STK24: variants seen among roughly 807,000 people sequenced by gnomAD.
STK24 encodes the protein serine/threonine kinase 24, also known as serine/threonine-protein kinase 24.
A neutral mutation model predicts 55.6 loss-of-function variants in STK24; 21 were observed. The observed-to-expected ratio is 0.38, with a 90% CI of 0.27 to 0.54. The LOEUF is 0.54. STK24 is among the 20% of genes least tolerant of loss of function. STK24 has a pLI of 0.79. For missense variants in STK24, 383 were observed against 538.4 expected, an observed-to-expected ratio of 0.71 and a Z score of 2.86; for synonymous variants, 200 against 215.2, an observed-to-expected ratio of 0.93 and a Z score of 0.62.
chr13:98,465,381 G>A (rs775938809), intron 6 of STK24, among the ~76,000 whole-genome samples: 3 of 152,230 alleles, frequency 2.0e-5, no homozygotes, highest in Non-Finnish European at 4.4e-5. Flanking sequence ...GTGTGCTGGG[G>A]CATAAGCCCA....
At chr13:98,557,747 A>G (rs542056195) in intron 1 of STK24, among the ~76,000 whole-genome samples, 5 of 152,202 alleles carry the variant, frequency 3.3e-5, no homozygotes, top group Admixed American at 6.5e-5. Context: ...GTCTGGGAGC[A>G]CTTATTTTAG....
chr13:98,508,096 T>C (rs1475893224), intron 2 of STK24, among the ~76,000 whole-genome samples: 3 of 152,206 alleles, frequency 2.0e-5, no homozygotes, highest in African/African-American at 7.2e-5. Context: ...CCCAGAATTC[T>C]TCCTGCTCCC....
intron 2 of STK24, among the ~76,000 whole-genome samples, chr13:98,505,861 T>A (rs1895662636): frequency 6.6e-6 from 1 of 152,236 alleles, no homozygotes; most frequent in African/African-American, 2.4e-5. Context: ...AGATACTTGA[T>A]CCTTGTCACT....
chr13:98,496,457 G>A (rs905453592), intron 2 of STK24, among the ~76,000 whole-genome samples: 1 of 152,122 alleles, frequency 6.6e-6, no homozygotes, highest in Non-Finnish European at 1.5e-5. Flanking sequence ...AGCGTCACTG[G>A]GCCCCGGTGG....
At chr13:98,537,835 G>A (rs144409697) in intron 1 of STK24, among the ~76,000 whole-genome samples, 263 of 152,168 alleles carry the variant, frequency 1.7e-3, no homozygotes, top group African/African-American at 5.6e-3. Context: ...TCACTTAAAC[G>A]CCCTGTGCCT....
In STK24 at chr13:98,446,985, T is replaced by TGGCAGAAAGTGGGGTCCCAACTTCC; in HGVS notation, c.*6163_*6187dup. ...ACACCAGCAGGCGATTCTGTTCTCA[T>TGGCAGAAAGTGGGGTCCCAACTTCC]GGCAGAAAGTGGGGTCCCAACTTCC... On this transcript the variant is annotated 3_prime_UTR_variant, in exon 11 of 11. Coordinates refer to ENST00000539966, the MANE Select transcript of STK24 (RefSeq NM_001032296.4). 1.5e-6 allele frequency: 1 copy of TGGCAGAAAGTGGGGTCCCAACTTCC among 666,454 alleles called. No individual in the cohort carries two copies. Among genetic ancestry groups the TGGCAGAAAGTGGGGTCCCAACTTCC allele is most frequent in the Non-Finnish European group, 2.5e-6 (1 of 396,590 alleles). The allele number at this position is 666,454 out of a possible 1,614,324, so 41.3% of individuals were successfully genotyped here.
Position 98,519,250 on chromosome 13 carries a change from T to A in STK24, c.266A>T (p.Tyr89Phe), listed in dbSNP as rs533468847. Reference sequence around the variant, plus strand: ...CGTTATTTTAAGCCTTACCTTCAGATAGGATCCATAATATTTGGTTACATA... The same window carrying A: ...CGTTATTTTAAGCCTTACCTTCAGAAAGGATCCATAATATTTGGTTACATA... ...SPYVTKYYGSYLKDTKLWIIM... is the reference protein window; with the variant it reads ...SPYVTKYYGSFLKDTKLWIIM... Residue 89 changes from tyrosine (Y) to phenylalanine (F), a missense_variant, in exon 2 of 11, where the codon TAT becomes TTT. Tyr to Phe is a conservative substitution (Grantham distance 22). Transcript: ENST00000539966. 1.2e-6 allele frequency: 2 copies of A among 1,613,656 alleles called. No homozygotes were observed. Among genetic ancestry groups the A allele is most frequent in the South Asian group, 1.1e-5 (1 of 91,074 alleles).
Position 98,446,536 on chromosome 13 carries a change from C to A in STK24, c.*6637G>T. 1.1e-6 allele frequency: 1 copy of A among 906,828 alleles called. No homozygotes were observed. The highest frequency in any genetic ancestry group is 1.7e-6 in the Non-Finnish European group (1 of 581,706). 56.2% of individuals were successfully genotyped at this position (906,828 alleles called of 1,614,324 possible). A position where few individuals can be genotyped will look rare whatever the true frequency, so the allele number is the denominator to read the frequency against. On this transcript the variant is annotated 3_prime_UTR_variant, in exon 11 of 11. Coordinates refer to ENST00000539966, the MANE Select transcript of STK24 (RefSeq NM_001032296.4). ...ACAGGCAAACACTGGCTGCCATGGT[C>A]CCTTCCAGGCCCACGCCCGAGGAGG...
intron 1 of STK24, chr13:98,522,032 TC>T: frequency 7.0e-7 from 1 of 1,420,334 alleles, no homozygotes; most frequent in Non-Finnish European, 9.2e-7. Flanking sequence ...TCCTCTGGAG[TC>T]CCTTCAAAGT....
chr13:98,547,802 CTG>C (rs1480959751), intron 1 of STK24, among the ~76,000 whole-genome samples: 2 of 152,230 alleles, frequency 1.3e-5, no homozygotes, highest in Non-Finnish European at 2.9e-5. Flanking sequence ...AAGGAGCAAA[CTG>C]AGAAAATACA....
Position 98,447,259 on chromosome 13 carries a change from G to C in STK24, c.*5914C>G, listed in dbSNP as rs1025904813. On this transcript the variant is annotated 3_prime_UTR_variant, in exon 11 of 11. Transcript: ENST00000539966. ...AATTGCATCCCCAAGCCGACTACTTGTGCAGTTTGCCCTGCTGAGCCCTCC... is the reference window on the plus strand; with the variant it reads ...AATTGCATCCCCAAGCCGACTACTTCTGCAGTTTGCCCTGCTGAGCCCTCC... 1.9e-5 allele frequency: 3 copies of C among 156,390 alleles called. No individual in the cohort carries two copies. Among genetic ancestry groups the C allele is most frequent in the African/African-American group, 7.2e-5 (3 of 41,536 alleles). 9.7% of individuals were successfully genotyped at this position (156,390 alleles called of 1,614,324 possible).
At chr13:98,487,858 A>C (rs1253623791) in intron 2 of STK24, among the ~76,000 whole-genome samples, 5 of 152,126 alleles carry the variant, frequency 3.3e-5, no homozygotes, top group African/African-American at 9.7e-5. Context: ...CTGAATTTTT[A>C]ACAGATACTG....
At chr13:98,542,945 G>C in intron 1 of STK24, 1 of 985,394 alleles carries the variant, frequency 1.0e-6, no homozygotes, top group Middle Eastern at 5.2e-4. Context: ...TGGAGACGAT[G>C]GGACGGAGTA....
At chr13:98,500,429 C>A (rs1255459247) in intron 2 of STK24, among the ~76,000 whole-genome samples, 2 of 152,082 alleles carry the variant, frequency 1.3e-5, no homozygotes, top group East Asian at 3.8e-4. Context: ...GAGGGGTGTC[C>A]CACAATTAAA....
intron 2 of STK24, among the ~76,000 whole-genome samples, chr13:98,487,214 C>A (rs1441032275): frequency 1.3e-5 from 2 of 152,180 alleles, no homozygotes; most frequent in Non-Finnish European, 2.9e-5. Flanking sequence ...AGATGTGGAA[C>A]CACTGTCCTC....
intron 6 of STK24, 104 bp from the exon 7 acceptor site, chr13:98,463,940 A>C: frequency 7.6e-7 from 1 of 1,314,278 alleles, no homozygotes; most frequent in Admixed American, 1.9e-5. Flanking sequence ...CTGACACCTG[A>C]TGGCTGGACT....
chr13:98,513,572 G>A (rs1388412927), intron 2 of STK24, among the ~76,000 whole-genome samples: 2 of 151,932 alleles, frequency 1.3e-5, no homozygotes, highest in Non-Finnish European at 2.9e-5. Context: ...TAGGTGGCTC[G>A]GTTCTCTTCT....
intron 3 of STK24, among the ~76,000 whole-genome samples, chr13:98,480,523 T>G (rs2139299800): frequency 6.6e-6 from 1 of 152,358 alleles, no homozygotes; most frequent in African/African-American, 2.4e-5. Flanking sequence ...GTAATCCCAC[T>G]ACATTGCTGT....
chr13:98,519,426 A>C lies in STK24; in HGVS notation c.90T>G (p.Ile30Met). 1 of 1,614,158 alleles carries C rather than the reference A, an allele frequency of 6.2e-7. No individual in the cohort carries two copies. Among genetic ancestry groups the C allele is most frequent in the Non-Finnish European group, 8.5e-7 (1 of 1,180,044 alleles). The change falls in exon 2 of 11, where the codon ATT (isoleucine) becomes ATG (methionine). Residue 30 changes from isoleucine (I) to methionine (M), a missense_variant. By Grantham distance (10) the Ile-to-Met change is conservative (BLOSUM62 1). Transcript: ENST00000539966. Reference protein sequence around the residue: ...PEELFTKLEKIGKGSFGEVFK... With the variant: ...PEELFTKLEKMGKGSFGEVFK... ...ACACCTCTCCAAAGGAGCCCTTCCC[A>C]ATTTTCTCTAGTTTTGTAAAAAGCT...
Sources: gnomAD v4.1 joint callset for allele counts (sites outside exome capture counted in the v4.1 genomes callset) on GRCh38, gnomAD v4.1.1 for gene constraint, MANE v1.5 for transcripts, NCBI Gene and HGNC (gene_info 2026-07-23, HGNC 2026-07-21) for gene names.